SVEP1: variants seen among roughly 807,000 people sequenced by gnomAD.
SVEP1 encodes the protein sushi, von Willebrand factor type A, EGF and pentraxin domain-containing protein 1.
A neutral mutation model predicts 367.3 loss-of-function variants in SVEP1; 164 were observed. The observed-to-expected ratio is 0.45, with a 90% CI of 0.39 to 0.51. The LOEUF (loss-of-function observed/expected upper bound fraction) is 0.51. Ranked by LOEUF, SVEP1 falls within the 20% of genes least tolerant of loss-of-function variation. The pLI, the probability that SVEP1 is intolerant of heterozygous loss-of-function variation, is 0.00. For synonymous variants in SVEP1, 1,666 were observed against 1,611.6 expected (o/e 1.03, Z -0.81); for missense variants, 4,117 against 4,425.3 (o/e 0.93, Z 1.98).
At position 110,435,335 on chromosome 9, in the gene SVEP1, C is replaced by T; in HGVS notation, c.4794G>A (p.Glu1598=). The change falls in exon 29 of 48, where the codon GAG becomes GAA. Residue 1598 remains glutamate, a synonymous_variant. Coordinates refer to ENST00000374469, the MANE Select transcript of SVEP1 (RefSeq NM_153366.4). ...QVKSLATSCP[E]ELSKGNVLAW... Reference sequence around the variant, plus strand: ...CTAACACGTTTCCTTTACTGAGTTCCTCTGGGCAGGAGGTAGCCAGTGACT... The same window carrying T: ...CTAACACGTTTCCTTTACTGAGTTCTTCTGGGCAGGAGGTAGCCAGTGACT... The T allele has an allele frequency of 6.2e-7, 1 of 1,613,566 alleles. No homozygotes were observed. Among genetic ancestry groups the T allele is most frequent in the Non-Finnish European group, 8.5e-7 (1 of 1,179,560 alleles).
At chr9:110,432,663 G>A (rs367593773) in intron 30 of SVEP1, 28 bp from the exon 31 acceptor site, 80 of 1,578,868 alleles carry the variant, frequency 5.1e-5, no homozygotes, top group East Asian at 1.1e-4. Flanking sequence ...AGAAGACAAC[G>A]ACATTAAGAG....
In SVEP1 at chr9:110,526,540, C is replaced by T. The variant is rs929443747; in HGVS notation, c.965-12434G>A. ...AAATAGTGACGACACCAAGTGCTAT[C>T]AAGGAGGCAGAGAAACTGGATCACT... On this transcript the variant is annotated intron_variant, in intron 3 of 47. Transcript: ENST00000374469. 1.1e-4 allele frequency among the ~76,000 whole-genome samples: 16 copies of T among 152,158 alleles called. No homozygotes were observed. The East Asian group carries it at 1.5e-3, about 15-fold the overall frequency.
rs1414819437 is a variant in SVEP1 at position 110,429,128 on chromosome 9, G to T, written c.5807+15C>A. The T allele has an allele frequency of 1.3e-6, 2 of 1,538,442 alleles. No individual in the cohort carries two copies. The highest frequency in any genetic ancestry group is 1.7e-6 in the Non-Finnish European group (2 of 1,145,386). On this transcript the variant is annotated intron_variant, in intron 35 of 47. Coordinates refer to ENST00000374469, the MANE Select transcript of SVEP1 (RefSeq NM_153366.4). Reference sequence around the variant, plus strand: ...CAGTATTGTAGAAAGCTTGGTTGGTGTCTACAAATGTTACCTGTATCCTGT... The same window carrying T: ...CAGTATTGTAGAAAGCTTGGTTGGTTTCTACAAATGTTACCTGTATCCTGT...
chr9:110,478,769 C>T (rs562752530), intron 13 of SVEP1, among the ~76,000 whole-genome samples: 10 of 152,066 alleles, frequency 6.6e-5, no homozygotes, highest in South Asian at 2.1e-4. Context: ...GTACTTGTAA[C>T]GTGCTTGGCA....
chr9:110,576,808 G>C (rs1436113333), intron 1 of SVEP1, among the ~76,000 whole-genome samples: 1 of 152,068 alleles, frequency 6.6e-6, no homozygotes, highest in Non-Finnish European at 1.5e-5. Flanking sequence ...ATGTATAAAT[G>C]TATGTGTATA....
At chr9:110,398,546 T>C (rs1331969800) in intron 40 of SVEP1, among the ~76,000 whole-genome samples, 1 of 150,796 alleles carries the variant, frequency 6.6e-6, no homozygotes, top group Non-Finnish European at 1.5e-5. Context: ...ATCATTAGAG[T>C]GAACAGGCAA....
intron 5 of SVEP1, among the ~76,000 whole-genome samples, chr9:110,504,672 G>C (rs1430788991): frequency 6.6e-6 from 1 of 151,682 alleles, no homozygotes; most frequent in African/African-American, 2.4e-5. Flanking sequence ...CCTGATACCA[G>C]CTATACACAA....
At chr9:110,475,163 A>T (rs1281309746) in intron 14 of SVEP1, among the ~76,000 whole-genome samples, 5 of 152,154 alleles carry the variant, frequency 3.3e-5, no homozygotes, top group Admixed American at 6.6e-5. Context: ...AATGATATTT[A>T]AAAAAATTTA....
At chr9:110,398,720 C>T (rs143553443) in intron 40 of SVEP1, among the ~76,000 whole-genome samples, 38 of 152,276 alleles carry the variant, frequency 2.5e-4, no homozygotes, top group African/African-American at 8.7e-4. Context: ...GACGTTTATG[C>T]AGCCAAAAAA....
At position 110,404,535 on chromosome 9, in the gene SVEP1, G is replaced by A. The variant is rs752542830; in HGVS notation, c.9458C>T (p.Thr3153Met). ...EVKLRCLEGY[T>M]MDTDTDTFTC... ...GAATGTATCTGTATCTGTATCCATC[G>A]TATAACCTTCCAGACATCTGCAATG... Residue 3153 changes from threonine to methionine, a missense_variant, in exon 39 of 48, where the codon ACG becomes ATG. By Grantham distance (81) the Thr-to-Met change is moderately conservative (BLOSUM62 -1). Around this residue, in one of 4 missense-constraint regions of SVEP1, gnomAD observed 1,765 missense variants for 1,781.1 expected, o/e 0.99. Transcript: ENST00000374469. The A allele has an allele frequency of 2.7e-5, 44 of 1,613,892 alleles. No individual in the cohort carries two copies. The highest frequency in any genetic ancestry group is 1.6e-4 in the Middle Eastern group (1 of 6,062).
At chr9:110,564,334 G>A (rs1233949225) in intron 1 of SVEP1, among the ~76,000 whole-genome samples, 1 of 152,074 alleles carries the variant, frequency 6.6e-6, no homozygotes, top group Admixed American at 6.6e-5. Flanking sequence ...CTTCTTACCA[G>A]GTATTTTAAT....
At chr9:110,432,121 A>T in intron 31 of SVEP1, 87 bp from the exon 32 acceptor site, 6 of 1,355,688 alleles carry the variant, frequency 4.4e-6, no homozygotes, top group Non-Finnish European at 6.0e-6. Context: ...ATCATTACAT[A>T]TCACGTAATG....
At chr9:110,573,009 T>G (rs1223223862) in intron 1 of SVEP1, among the ~76,000 whole-genome samples, 1 of 152,016 alleles carries the variant, frequency 6.6e-6, no homozygotes, top group African/African-American at 2.4e-5. Context: ...CTTCAAAAGC[T>G]TAAGAAGCAC....
At chr9:110,468,728 T>C (rs1452057857) in intron 17 of SVEP1, among the ~76,000 whole-genome samples, 1 of 152,274 alleles carries the variant, frequency 6.6e-6, no homozygotes, top group Admixed American at 6.5e-5. Flanking sequence ...CATAAAAATA[T>C]ACAGGTTTCC....
intron 33 of SVEP1, 68 bp downstream of exon 33, chr9:110,430,206 C>T (rs1410889913): frequency 1.1e-5 from 17 of 1,482,556 alleles, no homozygotes; most frequent in East Asian, 9.6e-5. Context: ...CATAACACTT[C>T]ATATGTCTAC....
At chr9:110,528,156 G>GTGTGTGTGTGTGTGTGTGTATATATATA in intron 3 of SVEP1, among the ~76,000 whole-genome samples, 1 of 33,940 alleles carries the variant, frequency 2.9e-5, no homozygotes, top group African/African-American at 1.1e-4. Flanking sequence ...GTGTGTGTGT[G>GTGTGTGTGTGTGTGTGTGTATATATATA]TATATATATA....
Position 110,407,320 on chromosome 9 carries a change from A to G in SVEP1, c.8280T>C (p.Asn2760=), listed in dbSNP as rs1827970986. ...AGSDLRLCLE[N]RKWSGASPRC... The stretch of plus-strand genomic sequence containing the variant: ...GTGGGGAGGCACCACTCCACTTTCT[A>G]TTCTCTAGACAAAGCCTTAAGTCAG... Residue 2760 remains asparagine (N), a synonymous_variant, in exon 38 of 48, where the codon AAT becomes AAC. Transcript: ENST00000374469. The G allele has an allele frequency of 3.1e-6, 5 of 1,613,960 alleles. No homozygotes were observed. The highest frequency in any genetic ancestry group is 2.2e-5 in the South Asian group (2 of 91,080).
chr9:110,563,674 G>A (rs1688339370), intron 1 of SVEP1, among the ~76,000 whole-genome samples: 1 of 152,128 alleles, frequency 6.6e-6, no homozygotes, highest in South Asian at 2.1e-4. Context: ...CCCGAAAGTA[G>A]GGAGAAGAGC....
At chr9:110,492,886 C>A (rs753318959) in intron 8 of SVEP1, among the ~76,000 whole-genome samples, 1 of 152,034 alleles carries the variant, frequency 6.6e-6, no homozygotes, top group Non-Finnish European at 1.5e-5. Flanking sequence ...GACACCCATG[C>A]CTTGGAGTTT....
Sources: allele counts gnomAD v4.1 joint callset (sites outside exome capture counted in the v4.1 genomes callset), GRCh38; gene constraint gnomAD v4.1.1; regional missense constraint gnomAD v4.1.1; transcripts MANE v1.5; gene names NCBI Gene and HGNC (gene_info 2026-07-23, HGNC 2026-07-21).